JMJD1C: variants seen among roughly 807,000 people sequenced by gnomAD.
JMJD1C encodes the protein jumonji domain-containing protein 1C.
In JMJD1C, 31 loss-of-function variants were observed where a neutral mutation model predicts 245.3. That is an observed-to-expected ratio of 0.13 (90% confidence interval 0.09 to 0.17). The LOEUF is 0.17. JMJD1C is among the 10% of genes least tolerant of loss of function. The pLI is 1.00. For missense variants in JMJD1C, 2,691 were observed against 3,000.2 expected (o/e 0.90, Z 2.41); for synonymous variants, 1,057 against 1,017.4 (o/e 1.04, Z -0.74).
At chr10:63,498,710 T>C (rs1954439864) in intron 1 of JMJD1C, among the ~76,000 whole-genome samples, 1 of 152,214 alleles carries the variant, frequency 6.6e-6, no homozygotes, top group African/African-American at 2.4e-5. Flanking sequence ...CCTATTTTTT[T>C]TTTATTGTGG....
At chr10:63,459,487 A>G (rs1249692516) in intron 1 of JMJD1C, among the ~76,000 whole-genome samples, 1 of 152,228 alleles carries the variant, frequency 6.6e-6, no homozygotes, top group Non-Finnish European at 1.5e-5. Flanking sequence ...ACTTCCTAAT[A>G]TAAAAACTCA....
chr10:63,354,467 A>T (rs1419195129), intron 2 of JMJD1C, among the ~76,000 whole-genome samples: 1 of 151,942 alleles, frequency 6.6e-6, no homozygotes, highest in Non-Finnish European at 1.5e-5. Flanking sequence ...CCAATTTTTC[A>T]TATTTTTTAT....
intron 13 of JMJD1C, among the ~76,000 whole-genome samples, chr10:63,196,953 T>A (rs548696561): frequency 1.3e-5 from 2 of 151,888 alleles, no homozygotes; most frequent in Non-Finnish European, 2.9e-5. Flanking sequence ...CACACCACCA[T>A]GCGCAGCTCA....
intron 1 of JMJD1C, among the ~76,000 whole-genome samples, chr10:63,500,805 A>G (rs1258442149): frequency 6.6e-6 from 1 of 152,072 alleles, no homozygotes; most frequent in Non-Finnish European, 1.5e-5. Flanking sequence ...GCACGGATGC[A>G]TGGATGCACA....
At chr10:63,381,444 T>C (rs2134508782) in intron 1 of JMJD1C, among the ~76,000 whole-genome samples, 1 of 152,194 alleles carries the variant, frequency 6.6e-6, no homozygotes, top group South Asian at 2.1e-4. Flanking sequence ...GCCCAGGAAT[T>C]TGAGGCTACA....
intron 3 of JMJD1C, among the ~76,000 whole-genome samples, chr10:63,241,554 T>C (rs936480082): frequency 2.6e-5 from 4 of 152,194 alleles, no homozygotes; most frequent in African/African-American, 9.7e-5. Context: ...GTCTTTATAA[T>C]AGCCTAAAAA....
chr10:63,501,122 T>C (rs1435365490), intron 1 of JMJD1C, among the ~76,000 whole-genome samples: 4 of 152,154 alleles, frequency 2.6e-5, no homozygotes, highest in African/African-American at 9.7e-5. Flanking sequence ...CCCAGGCCTC[T>C]GGCTCTTGAA....
intron 1 of JMJD1C, among the ~76,000 whole-genome samples, chr10:63,413,986 T>TTG (rs71891266): frequency 4.1e-5 from 4 of 97,620 alleles, no homozygotes; most frequent in African/African-American, 3.0e-4. Context: ...CTATCAATAC[T>TTG]TTTTTTTTTT....
intron 2 of JMJD1C, among the ~76,000 whole-genome samples, chr10:63,304,668 T>C (rs1456400817): frequency 6.6e-6 from 1 of 152,166 alleles, no homozygotes; most frequent in Non-Finnish European, 1.5e-5. Context: ...GTAAAAACAC[T>C]GGGAACTGGG....
chr10:63,376,196 C>T (rs763637900), intron 2 of JMJD1C, among the ~76,000 whole-genome samples: 1 of 152,226 alleles, frequency 6.6e-6, no homozygotes, highest in East Asian at 1.9e-4. Context: ...CAAAGGCAGT[C>T]TTTCCAACAA....
At chr10:63,216,529 C>T (rs956813557) in intron 5 of JMJD1C, among the ~76,000 whole-genome samples, 1 of 151,462 alleles carries the variant, frequency 6.6e-6, no homozygotes, top group Admixed American at 6.6e-5. Flanking sequence ...GCTAACATGG[C>T]GAAACCCCGT....
chr10:63,494,040 G>A (rs1362968587), intron 1 of JMJD1C, among the ~76,000 whole-genome samples: 1 of 152,172 alleles, frequency 6.6e-6, no homozygotes, highest in Non-Finnish European at 1.5e-5. Flanking sequence ...GTTGGGCCTG[G>A]TGGCTCATGC....
chr10:63,285,923 C>T (rs886341533), intron 2 of JMJD1C, among the ~76,000 whole-genome samples: 17 of 152,178 alleles, frequency 1.1e-4, no homozygotes, highest in African/African-American at 3.6e-4. Flanking sequence ...TTGAGAGCAG[C>T]CCCAGCTAGG....
chr10:63,277,007 G>C (rs1357298313), intron 2 of JMJD1C, among the ~76,000 whole-genome samples: 2 of 147,226 alleles, frequency 1.4e-5, no homozygotes, highest in Non-Finnish European at 3.0e-5. Context: ...TCAGCCTCCC[G>C]AGTAGCTGGG....
chr10:63,468,665 T>C (rs888728941), upstream of JMJD1C, among the ~76,000 whole-genome samples: 3 of 152,248 alleles, frequency 2.0e-5, no homozygotes, highest in African/African-American at 7.2e-5. Flanking sequence ...TTAGATTTTC[T>C]AGTCTTTCCA....
intron 1 of JMJD1C, among the ~76,000 whole-genome samples, chr10:63,412,908 A>C (rs1003470121): frequency 1.3e-5 from 2 of 152,196 alleles, no homozygotes; most frequent in African/African-American, 4.8e-5. Flanking sequence ...TCTGCATATA[A>C]ATTGACTCTC....
At position 63,203,135 on chromosome 10, in the gene JMJD1C, T is replaced by C. The variant is rs547442497; in HGVS notation, c.5075-2458A>G. The C allele has an allele frequency of 1.2e-5, 12 of 985,034 alleles. No homozygotes were observed. In the East Asian group the frequency reaches 4.5e-4, roughly 37 times the overall value. The allele number at this position is 985,034 out of a possible 1,614,324, so 61.0% of individuals were successfully genotyped here. On this transcript the variant is annotated intron_variant, in intron 10 of 25. Coordinates refer to ENST00000399262, the MANE Select transcript of JMJD1C (RefSeq NM_032776.3). Reference sequence around the variant, plus strand: ...AAGACATTAAGGCCCAATTCATACGTAGAGCTTTTGATATTATAATTTTTG... The same window carrying C: ...AAGACATTAAGGCCCAATTCATACGCAGAGCTTTTGATATTATAATTTTTG...
intron 1 of JMJD1C, among the ~76,000 whole-genome samples, chr10:63,513,868 G>A (rs1745497906): frequency 3.3e-5 from 5 of 152,162 alleles, no homozygotes; most frequent in Middle Eastern, 3.4e-3. Flanking sequence ...AGCCGAGATC[G>A]CGCCACTGCA....
rs115793344 is a variant in JMJD1C, at chr10:63,487,856, T to C, written n.113+33882A>G. Among the ~76,000 whole-genome samples the C allele has an allele frequency of 8.8e-3, 1,334 of 152,244 alleles. 22 individuals are homozygous for C. The highest frequency in any genetic ancestry group is 0.03 in the African/African-American group (1,260 of 41,566). ...CTGAGTGACAGAGAAGAAACTATCG[T>C]TTACTGTGAAGTTGTATGAACCAAC... On this transcript the variant is annotated intron_variant and non_coding_transcript_variant, in intron 1 of 3. Coordinates refer to the JMJD1C transcript ENST00000633035.
Sources: allele counts gnomAD v4.1 joint callset (sites outside exome capture counted in the v4.1 genomes callset), GRCh38; gene constraint gnomAD v4.1.1; transcripts MANE v1.5; gene names NCBI Gene and HGNC (gene_info 2026-07-23, HGNC 2026-07-21).